RIOK3: variants seen among roughly 807,000 people sequenced by gnomAD.
RIOK3 encodes serine/threonine-protein kinase RIO3.
RIOK3 carries 40 observed loss-of-function variants against 63.5 expected under a neutral mutation model. The ratio of observed to expected loss-of-function variants is 0.63; its 90% CI spans 0.49 to 0.82. The LOEUF is 0.82. RIOK3 is among the 40% of genes least tolerant of loss of function. The pLI is 0.00. For synonymous variants in RIOK3, 193 were observed against 205.0 expected, an observed-to-expected ratio of 0.94 and a Z score of 0.50; for missense variants, 557 against 637.0, an observed-to-expected ratio of 0.87 and a Z score of 1.35.
chr18:23,471,332 G>A (rs2057455081), intron 7 of RIOK3, among the ~76,000 whole-genome samples: 1 of 152,194 alleles, frequency 6.6e-6, no homozygotes. Context: ...TAGTGCTAAT[G>A]CCTTAGGACA....
intron 7 of RIOK3, 91 bp from the exon 8 acceptor site, chr18:23,473,338 T>C: frequency 1.4e-6 from 1 of 712,334 alleles, no homozygotes; most frequent in Non-Finnish European, 2.3e-6. Flanking sequence ...AGAAGGTAGA[T>C]CTAATTTAGT....
At chr18:23,457,813 TC>T (rs1230177864) in intron 1 of RIOK3, among the ~76,000 whole-genome samples, 4 of 152,192 alleles carry the variant, frequency 2.6e-5, no homozygotes, top group African/African-American at 9.7e-5. Flanking sequence ...AAGGGGACCT[TC>T]CTGTAGGTTA....
chr18:23,467,926 T>A (rs1190687172), intron 7 of RIOK3, among the ~76,000 whole-genome samples: 1 of 151,930 alleles, frequency 6.6e-6, no homozygotes, highest in African/African-American at 2.4e-5. Context: ...TACAGGCACA[T>A]GCCACCACGC....
intron 4 of RIOK3, 39 bp downstream of exon 4, chr18:23,464,352 G>GGTAT: frequency 7.2e-7 from 1 of 1,393,090 alleles, no homozygotes; most frequent in East Asian, 2.3e-5. Context: ...GCAGAATAGA[G>GGTAT]GTATAGGAAG....
Position 23,481,440 on chromosome 18 carries a change from T to G in RIOK3, c.*161T>G, listed in dbSNP as rs1325626722. The G allele has an allele frequency of 1.9e-6, 1 of 522,724 alleles. No homozygotes were observed. Among genetic ancestry groups the G allele is most frequent in the East Asian group, 3.2e-5 (1 of 31,136 alleles). 32.4% of individuals were successfully genotyped at this position (522,724 alleles called of 1,614,324 possible). Reference sequence around the variant, plus strand: ...CCATGTGCCAGATGTGTGGAATTTTTAGCTCAGCATTGAGAGAATAAAATG... The same window carrying G: ...CCATGTGCCAGATGTGTGGAATTTTGAGCTCAGCATTGAGAGAATAAAATG... On this transcript the variant is annotated 3_prime_UTR_variant, in exon 13 of 13. Coordinates refer to ENST00000339486, the MANE Select transcript of RIOK3 (RefSeq NM_003831.5).
intron 11 of RIOK3, among the ~76,000 whole-genome samples, chr18:23,478,306 C>T (rs1424542679): frequency 6.6e-6 from 1 of 152,058 alleles, no homozygotes; most frequent in East Asian, 1.9e-4. Context: ...TGGTGATTCA[C>T]GCTTACAATC....
At chr18:23,454,492 T>C (rs1056973001) in intron 1 of RIOK3, among the ~76,000 whole-genome samples, 1 of 152,252 alleles carries the variant, frequency 6.6e-6, no homozygotes, top group African/African-American at 2.4e-5. Context: ...TTTGTGTATT[T>C]TTCCTTGAGA....
At chr18:23,465,713 CA>C (rs1839131069) in intron 5 of RIOK3, among the ~76,000 whole-genome samples, 1 of 152,200 alleles carries the variant, frequency 6.6e-6, no homozygotes, top group African/African-American at 2.4e-5. Flanking sequence ...CTGAATTGCA[CA>C]GTTCTAGAAC....
At position 23,480,741 on chromosome 18, in the gene RIOK3, C is replaced by G. The variant is rs564179639; in HGVS notation, c.1453-431C>G. ...GGCCAAGGAGGGAGGATCTCTTGAG[C>G]CCAGGAGTTTGAGACCAGCCTGAGC... On this transcript the variant is annotated intron_variant, in intron 12 of 12. Transcript: ENST00000339486. 3.9e-5 allele frequency among the ~76,000 whole-genome samples: 6 copies of G among 152,092 alleles called. No individual in the cohort carries two copies. The South Asian group carries it at 1.2e-3, about 32-fold the overall frequency.
intron 2 of RIOK3, among the ~76,000 whole-genome samples, chr18:23,463,483 C>T (rs1211961389): frequency 7.4e-5 from 11 of 148,882 alleles, no homozygotes; most frequent in African/African-American, 2.2e-4. Flanking sequence ...AATCTCGGCT[C>T]GGCACAACCT....
chr18:23,461,189 C>A (rs1448362786), intron 1 of RIOK3, among the ~76,000 whole-genome samples: 1 of 152,198 alleles, frequency 6.6e-6, no homozygotes, highest in Non-Finnish European at 1.5e-5. Context: ...TGTCATGCAG[C>A]AGGCCTTTAG....
intron 9 of RIOK3, among the ~76,000 whole-genome samples, chr18:23,476,569 C>A (rs1415001389): frequency 6.6e-6 from 1 of 152,058 alleles, no homozygotes; most frequent in Non-Finnish European, 1.5e-5. Flanking sequence ...CTATTTAATT[C>A]TATTAAGGCT....
chr18:23,479,111 G>T (rs1012127307), intron 11 of RIOK3: 23 of 452,192 alleles, frequency 5.1e-5, no homozygotes, highest in Admixed American at 1.0e-4. Context: ...CGCCATGCCT[G>T]GCTGAGCCAG....
At position 23,474,961 on chromosome 18, in the gene RIOK3, G is replaced by A. The variant is rs748537203; in HGVS notation, c.1027G>A (p.Gly343Arg). 9.9e-6 allele frequency: 16 copies of A among 1,609,140 alleles called. No homozygotes were observed. In the Admixed American group the frequency reaches 1.0e-4, roughly 10 times the overall value. Residue 343 changes from glycine (G) to arginine (R), a missense_variant, in exon 9 of 13, where the codon GGA becomes AGA. Gly to Arg is a moderately radical substitution (Grantham distance 125). This residue lies in a region of RIOK3 where 309 missense variants were observed against 338.7 expected (regional missense o/e 0.91). Transcript: ENST00000339486. ...MHNLARMQRA[G>R]IPCPTVVLLK... ...CTTTATGTATAGAATGCAGAGAGCT[G>A]GAATTCCTTGTCCAACAGTTGTACT...
At chr18:23,466,030 C>A (rs2057404674) in intron 5 of RIOK3, 103 bp from the exon 6 acceptor site, 2 of 783,584 alleles carry the variant, frequency 2.6e-6, no homozygotes, top group Admixed American at 3.1e-5. Context: ...CTAGTGTGAT[C>A]ATCTATTGAG....
At chr18:23,462,627 G>A (rs2057379494) in intron 1 of RIOK3, among the ~76,000 whole-genome samples, 1 of 152,216 alleles carries the variant, frequency 6.6e-6, no homozygotes, top group African/African-American at 2.4e-5. Flanking sequence ...ATAAGCAGAA[G>A]GTAGCTTGGT....
chr18:23,464,420 A>G, intron 4 of RIOK3, 99 bp from the exon 5 acceptor site: 1 of 1,161,860 alleles, frequency 8.6e-7, no homozygotes, highest in Non-Finnish European at 1.2e-6. Flanking sequence ...CTCATTTGGT[A>G]ATTTACTCTT....
chr18:23,471,656 G>A (rs182088412), intron 7 of RIOK3, among the ~76,000 whole-genome samples: 3 of 152,316 alleles, frequency 2.0e-5, no homozygotes, highest in Non-Finnish European at 4.4e-5. Context: ...GGTAGTGGAA[G>A]TGAAGAGTAG....
Position 23,481,204 on chromosome 18 carries a change from C to G in RIOK3, c.1485C>G (p.His495Gln). ...CTTTGGAGAAAATGAATGAAGATCA[C>G]GTTCAGAAGAATGGAAGGAAAGCTG... is the stretch of plus-strand genomic sequence containing the variant. ...IEALEKMNEDHVQKNGRKAAS... is the reference protein window; with the variant it reads ...IEALEKMNEDQVQKNGRKAAS... Residue 495 changes from histidine to glutamine, a missense_variant, in exon 13 of 13, where the codon CAC becomes CAG. His to Gln is a conservative substitution (Grantham distance 24). Coordinates refer to ENST00000339486, the MANE Select transcript of RIOK3 (RefSeq NM_003831.5). 3 of 1,611,844 alleles carry G rather than the reference C, an allele frequency of 1.9e-6. No individual in the cohort carries two copies. The highest frequency in any genetic ancestry group is 2.5e-6 in the Non-Finnish European group (3 of 1,178,640).
Sources: gnomAD v4.1 joint callset for allele counts (sites outside exome capture counted in the v4.1 genomes callset) on GRCh38, gnomAD v4.1.1 for gene constraint, gnomAD v4.1.1 regional missense constraint, MANE v1.5 for transcripts, NCBI Gene and HGNC (gene_info 2026-07-23, HGNC 2026-07-21) for gene names.